IGSF10: variants seen among roughly 807,000 people sequenced by gnomAD.
The protein encoded by IGSF10 is immunoglobulin superfamily member 10.
In IGSF10, 126 loss-of-function variants were observed where a neutral mutation model predicts 128.2. The observed-to-expected ratio is 0.98, with a 90% CI of 0.85 to 1.14. The LOEUF (loss-of-function observed/expected upper bound fraction) is 1.14, where lower values mean the gene tolerates loss of function less well. IGSF10 is among the 50% of genes most tolerant of loss of function. The probability of loss-of-function intolerance (pLI) is 0.00; values close to 1 mark genes in which losing one functional copy is unlikely to be tolerated. For missense variants in IGSF10, 3,295 were observed against 3,149.8 expected (o/e 1.05, Z -1.10); for synonymous variants, 1,185 against 1,146.2 (o/e 1.03, Z -0.68).
the IGSF10 span, among the ~76,000 whole-genome samples, chr3:151,468,518 C>A: frequency 1.3e-5 from 2 of 152,288 alleles, no homozygotes; most frequent in Non-Finnish European, 2.9e-5. Flanking sequence ...AGACCTTAGC[C>A]CTCCTGATAA....
At position 151,448,791 on chromosome 3, in the gene IGSF10, G is replaced by A; in HGVS notation, c.1190C>T (p.Thr397Ile). ...ILERSHLLSE[T>I]PQLYYKYKQV... ...TTTATATTTGTAATAGAGCTGCGGT[G>A]TTTCACTAAGCAAGTGGCTCCTTTC... Residue 397 changes from threonine to isoleucine, a missense_variant, in exon 6 of 8, where the codon ACA (threonine) becomes ATA (isoleucine). Coordinates refer to ENST00000282466, the MANE Select transcript of IGSF10 (RefSeq NM_178822.5). 3 of 1,613,586 alleles carry A rather than the reference G, an allele frequency of 1.9e-6. No homozygotes were observed. Among genetic ancestry groups the A allele is most frequent in the Non-Finnish European group, 2.5e-6 (3 of 1,179,524 alleles).
the IGSF10 span, among the ~76,000 whole-genome samples, chr3:151,598,473 T>C: frequency 6.6e-6 from 1 of 152,240 alleles, no homozygotes; most frequent in Non-Finnish European, 1.5e-5. Context: ...CCATGGGGGA[T>C]TGGTTCCAGA....
chr3:151,531,529 C>G, the IGSF10 span, among the ~76,000 whole-genome samples: 9 of 152,160 alleles, frequency 5.9e-5, no homozygotes, highest in East Asian at 1.7e-3. Context: ...GATTAAGAAA[C>G]TCACTCAAAA....
chr3:151,462,260 T>G (rs1722089748), upstream of IGSF10, among the ~76,000 whole-genome samples: 1 of 152,152 alleles, frequency 6.6e-6, no homozygotes, highest in South Asian at 2.1e-4. Flanking sequence ...GATCTCAAGA[T>G]AGGGTCACGG....
the IGSF10 span, among the ~76,000 whole-genome samples, chr3:151,573,479 G>A: frequency 6.6e-6 from 1 of 152,304 alleles, no homozygotes; most frequent in African/African-American, 2.4e-5. Flanking sequence ...TTACAATTAT[G>A]TAGTGGCCTT....
In IGSF10 at chr3:151,446,324, T is replaced by C; in HGVS notation, c.3657A>G (p.Leu1219=). ...FVNNHNPKGR[L]RNQHKVSLQK... ...GTAAACTAACTTTATGTTGATTCCTTAATCTGCCTTTTGGGTTATGGTTAT... is the reference window on the plus strand; with the variant it reads ...GTAAACTAACTTTATGTTGATTCCTCAATCTGCCTTTTGGGTTATGGTTAT... The change falls in exon 6 of 8, where the codon TTA becomes TTG. Residue 1219 remains leucine, a synonymous_variant. Coordinates refer to ENST00000282466, the MANE Select transcript of IGSF10 (RefSeq NM_178822.5). 1 of 1,614,080 alleles carries C rather than the reference T, an allele frequency of 6.2e-7. No homozygotes were observed. The highest frequency in any genetic ancestry group is 1.1e-5 in the South Asian group (1 of 91,076).
At chr3:151,546,229 C>T in the IGSF10 span, among the ~76,000 whole-genome samples, 4 of 151,956 alleles carry the variant, frequency 2.6e-5, no homozygotes, top group South Asian at 6.3e-4. Flanking sequence ...TAGCATGCAG[C>T]GAGACTATTA....
the IGSF10 span, among the ~76,000 whole-genome samples, chr3:151,473,206 T>C: frequency 6.6e-6 from 1 of 152,230 alleles, no homozygotes; most frequent in Non-Finnish European, 1.5e-5. Context: ...TTGATGGCTT[T>C]AGCTCAAGCT....
chr3:151,463,578 C>T (rs188009440), upstream of IGSF10, among the ~76,000 whole-genome samples: 3,856 of 28,706 alleles, frequency 0.13, 109 homozygotes, highest in Middle Eastern at 0.3. Flanking sequence ...CGGAGTTTTG[C>T]TCTTGTTGCC....
the IGSF10 span, among the ~76,000 whole-genome samples, chr3:151,495,661 T>G: frequency 6.6e-6 from 1 of 152,142 alleles, no homozygotes; most frequent in African/African-American, 2.4e-5. Flanking sequence ...ATTCTGTCTT[T>G]CTACCCATTG....
chr3:151,539,472 ACT>A, the IGSF10 span, among the ~76,000 whole-genome samples: 1 of 152,196 alleles, frequency 6.6e-6, no homozygotes. Context: ...CATTGTTTCT[ACT>A]TAAGGGTCTT....
chr3:151,600,256 A>C, the IGSF10 span, among the ~76,000 whole-genome samples: 1 of 152,258 alleles, frequency 6.6e-6, no homozygotes, highest in Middle Eastern at 3.4e-3. Context: ...GTAATAGTGC[A>C]GATGGTTTGA....
chr3:151,475,676 G>C, the IGSF10 span: 1 of 152,234 alleles, frequency 6.6e-6, no homozygotes, highest in East Asian at 1.9e-4. Flanking sequence ...TTCTGACCAT[G>C]AGGAATCCCT....
rs746962859 is a variant in IGSF10, at chr3:151,437,942, C to T, written c.6619G>A (p.Asp2207Asn). The change falls in exon 8 of 8, where the codon GAT becomes AAT. Residue 2207 changes from aspartate (D) to asparagine (N), a missense_variant. Asp to Asn is a conservative substitution (Grantham distance 23, BLOSUM62 1). Coordinates refer to ENST00000282466, the MANE Select transcript of IGSF10 (RefSeq NM_178822.5). ...SLTINKVKLL[D>N]SGEYVCVARN... ...GCTACACATACGTACTCTCCAGAATCGAGCAGTTTCACTTTGTTGATGGTC... is the reference window on the plus strand; with the variant it reads ...GCTACACATACGTACTCTCCAGAATTGAGCAGTTTCACTTTGTTGATGGTC... 1.5e-5 allele frequency: 24 copies of T among 1,614,072 alleles called. No homozygotes were observed. Among genetic ancestry groups the T allele is most frequent in the Non-Finnish European group, 2.0e-5 (24 of 1,180,042 alleles).
At chr3:151,576,747 A>G in the IGSF10 span, among the ~76,000 whole-genome samples, 6 of 152,188 alleles carry the variant, frequency 3.9e-5, no homozygotes, top group African/African-American at 1.2e-4. Context: ...GAGTTTACAA[A>G]TGCCATGCTC....
At chr3:151,473,728 C>T in the IGSF10 span, among the ~76,000 whole-genome samples, 2 of 152,100 alleles carry the variant, frequency 1.3e-5, no homozygotes, top group African/African-American at 4.8e-5. Context: ...CTAGGGGGCC[C>T]TTTTTTCCAA....
At chr3:151,454,635 CAT>C (rs1721689856) in intron 4 of IGSF10, among the ~76,000 whole-genome samples, 1 of 151,346 alleles carries the variant, frequency 6.6e-6, no homozygotes, top group Admixed American at 6.6e-5. Flanking sequence ...ATTTCTTAAA[CAT>C]AAATTTTTCA....
At position 151,436,772 on chromosome 3, in the gene IGSF10, T is replaced by G. The variant is rs1365515317; in HGVS notation, c.7789A>C (p.Thr2597Pro). ...CATTTGTATATCCCAGAATCGGAGG[T>G]TTGGGGATTCTGAATGACTAGGGTA... is the stretch of plus-strand genomic sequence containing the variant. ...QGTLVIQNPQ[T>P]SDSGIYKCTA... Residue 2597 changes from threonine (T) to proline (P), a missense_variant, in exon 8 of 8, where the codon ACC becomes CCC. Transcript: ENST00000282466. 1 of 1,613,970 alleles carries G rather than the reference T, an allele frequency of 6.2e-7. No homozygotes were observed. The highest frequency in any genetic ancestry group is 8.5e-7 in the Non-Finnish European group (1 of 1,179,980).
chr3:151,515,635 G>A, the IGSF10 span, among the ~76,000 whole-genome samples: 1 of 150,712 alleles, frequency 6.6e-6, no homozygotes, highest in African/African-American at 2.4e-5. Context: ...AAATAAAAGT[G>A]CTGCATTCTG....
Sources: gnomAD v4.1 joint callset for allele counts (sites outside exome capture counted in the v4.1 genomes callset) on GRCh38, gnomAD v4.1.1 for gene constraint, MANE v1.5 for transcripts, NCBI Gene and HGNC (gene_info 2026-07-23, HGNC 2026-07-21) for gene names.